The following LRFN5 variants were observed in gnomAD, a reference collection of about 807,000 sequenced individuals.
LRFN5 encodes leucine rich repeat and fibronectin type III domain containing 5.
In LRFN5, 24 loss-of-function variants were observed where a neutral mutation model predicts 45.6. That is an observed-to-expected ratio of 0.53 (90% CI 0.38 to 0.74). The LOEUF (loss-of-function observed/expected upper bound fraction) is 0.74, where lower values mean the gene tolerates loss of function less well. Among genes scored for constraint, LRFN5 ranks in the 30% least tolerant of loss-of-function variants. The probability of loss-of-function intolerance (pLI) is 0.00; values close to 1 mark genes in which losing one functional copy is unlikely to be tolerated. For synonymous variants in LRFN5, 340 were observed against 313.8 expected (o/e 1.08, Z -0.88); for missense variants, 776 against 861.5 (o/e 0.90, Z 1.24).
intron 1 of LRFN5, among the ~76,000 whole-genome samples, chr14:41,683,396 A>C (rs1881988903): frequency 6.6e-6 from 1 of 152,182 alleles, no homozygotes; most frequent in African/African-American, 2.4e-5. Context: ...CATTTCTTCT[A>C]ACATCTGGAA....
intron 2 of LRFN5, among the ~76,000 whole-genome samples, chr14:41,819,270 G>A (rs934827089): frequency 1.3e-5 from 2 of 152,040 alleles, no homozygotes; most frequent in African/African-American, 4.8e-5. Context: ...GGATCAAATG[G>A]TAGTTCCATT....
intron 1 of LRFN5, among the ~76,000 whole-genome samples, chr14:41,670,461 T>G (rs1345894156): frequency 6.6e-6 from 1 of 150,974 alleles, no homozygotes; most frequent in Non-Finnish European, 1.5e-5. Flanking sequence ...ATTAACCTAT[T>G]TAAAAATCAA....
chr14:41,872,770 C>T lies in LRFN5; in HGVS notation c.-20-13836C>T, dbSNP rs1264652617. ...TGGAAGGCACAATTTACAAAACAAA[C>T]ATTCTGGGCAATGCAATGGGTAAAA... On this transcript the variant is annotated intron_variant, in intron 2 of 5. Coordinates refer to ENST00000298119, the MANE Select transcript of LRFN5 (RefSeq NM_152447.5). Among the ~76,000 whole-genome samples the T allele has an allele frequency of 3.3e-5, 5 of 152,286 alleles. No homozygotes were observed. The East Asian group carries it at 9.7e-4, about 29-fold the overall frequency.
intron 3 of LRFN5, among the ~76,000 whole-genome samples, chr14:41,888,283 T>A (rs958684942): frequency 2.0e-5 from 3 of 152,154 alleles, no homozygotes; most frequent in Admixed American, 6.5e-5. Flanking sequence ...ACAACACTGA[T>A]TTATTATAAA....
At chr14:41,788,608 T>G (rs1217133948) in intron 2 of LRFN5, among the ~76,000 whole-genome samples, 1 of 152,102 alleles carries the variant, frequency 6.6e-6, no homozygotes, top group Non-Finnish European at 1.5e-5. Context: ...GAATAACCAC[T>G]GAAGACAACT....
intron 2 of LRFN5, among the ~76,000 whole-genome samples, chr14:41,853,628 A>T (rs779640114): frequency 1.5e-4 from 23 of 152,110 alleles, no homozygotes; most frequent in Non-Finnish European, 3.1e-4. Context: ...CTAAATATAG[A>T]TATCAAGAAG....
intron 1 of LRFN5, among the ~76,000 whole-genome samples, chr14:41,756,456 A>C (rs1379550783): frequency 6.6e-6 from 1 of 152,000 alleles, no homozygotes; most frequent in African/African-American, 2.4e-5. Context: ...TGGAGGCTTT[A>C]TTCGTTTCTT....
intron 1 of LRFN5, among the ~76,000 whole-genome samples, chr14:41,620,112 T>C (rs1888068531): frequency 6.6e-6 from 1 of 152,112 alleles, no homozygotes; most frequent in Non-Finnish European, 1.5e-5. Context: ...AATCTGTTTC[T>C]AGTTTATTCT....
At chr14:41,671,210 A>G (rs1315849566) in intron 1 of LRFN5, among the ~76,000 whole-genome samples, 6 of 152,166 alleles carry the variant, frequency 3.9e-5, no homozygotes, top group South Asian at 2.1e-4. Context: ...ATAGTTTAAA[A>G]AGAAATTAAG....
At chr14:41,821,855 T>G (rs1444396285) in intron 2 of LRFN5, among the ~76,000 whole-genome samples, 1 of 151,840 alleles carries the variant, frequency 6.6e-6, no homozygotes, top group African/African-American at 2.4e-5. Flanking sequence ...ATTTGTCTAC[T>G]CAAGTTTTCT....
intron 2 of LRFN5, among the ~76,000 whole-genome samples, chr14:41,789,468 C>T (rs763283468): frequency 1.3e-5 from 2 of 151,964 alleles, no homozygotes; most frequent in Non-Finnish European, 2.9e-5. Flanking sequence ...TGAATGAATA[C>T]AGACCTAAAT....
At chr14:41,793,301 A>G (rs1369052530) in intron 2 of LRFN5, among the ~76,000 whole-genome samples, 1 of 152,034 alleles carries the variant, frequency 6.6e-6, no homozygotes, top group African/African-American at 2.4e-5. Context: ...CTCCTAAATC[A>G]TATGTAAGGC....
chr14:41,868,580 T>A (rs1310253642), intron 2 of LRFN5, among the ~76,000 whole-genome samples: 2 of 152,124 alleles, frequency 1.3e-5, no homozygotes, highest in African/African-American at 4.8e-5. Context: ...CACCTACTGA[T>A]GCATGGTATG....
intron 2 of LRFN5, among the ~76,000 whole-genome samples, chr14:41,874,571 C>G (rs771807837): frequency 6.6e-6 from 1 of 152,082 alleles, no homozygotes; most frequent in Non-Finnish European, 1.5e-5. Flanking sequence ...GGTCCTTTCT[C>G]CTCTTCCTCA....
At chr14:41,633,133 A>G (rs1281273602) in intron 1 of LRFN5, among the ~76,000 whole-genome samples, 1 of 151,950 alleles carries the variant, frequency 6.6e-6, no homozygotes, top group African/African-American at 2.4e-5. Context: ...ACAGTCTTAA[A>G]CACAATACCT....
intron 1 of LRFN5, among the ~76,000 whole-genome samples, chr14:41,671,009 A>T (rs1008675484): frequency 6.6e-6 from 1 of 151,868 alleles, no homozygotes; most frequent in African/African-American, 2.4e-5. Context: ...ATATATTAAC[A>T]TCTATTTTTA....
At chr14:41,691,734 T>A (rs1882387614) in intron 1 of LRFN5, among the ~76,000 whole-genome samples, 1 of 152,098 alleles carries the variant, frequency 6.6e-6, no homozygotes, top group Non-Finnish European at 1.5e-5. Context: ...ATATTTTCAT[T>A]TTCCTTATTC....
intron 1 of LRFN5, among the ~76,000 whole-genome samples, chr14:41,721,239 CCTTTA>C (rs1883700653): frequency 6.6e-6 from 1 of 151,998 alleles, no homozygotes; most frequent in South Asian, 2.1e-4. Flanking sequence ...TTTCTCCAAC[CCTTTA>C]CTTTGAACCT....
chr14:41,679,855 C>A (rs767820930), intron 1 of LRFN5, among the ~76,000 whole-genome samples: 1 of 152,092 alleles, frequency 6.6e-6, no homozygotes, highest in Non-Finnish European at 1.5e-5. Context: ...CATTTTTGGA[C>A]CTTCCCTGGG....
Sources: gnomAD v4.1 joint callset for allele counts (sites outside exome capture counted in the v4.1 genomes callset) on GRCh38, gnomAD v4.1.1 for gene constraint, MANE v1.5 for transcripts, NCBI Gene and HGNC (gene_info 2026-07-23, HGNC 2026-07-21) for gene names.